Variants in CLDN10 observed in about 807,000 individuals in gnomAD.
The protein encoded by CLDN10 is claudin 10.
A neutral mutation model predicts 22.9 loss-of-function variants in CLDN10; 15 were observed. That is an observed-to-expected ratio of 0.65 (90% confidence interval 0.44 to 1.01). CLDN10 has a LOEUF of 1.01. CLDN10 is among the 50% of genes least tolerant of loss of function. The pLI, the probability that CLDN10 is intolerant of heterozygous loss-of-function variation, is 0.00. For synonymous variants in CLDN10, 114 were observed against 111.4 expected (o/e 1.02, Z -0.15); for missense variants, 247 against 287.8 (o/e 0.86, Z 1.03).
At chr13:95,441,373 T>A (rs1419254407) in intron 1 of CLDN10, among the ~76,000 whole-genome samples, 1 of 152,064 alleles carries the variant, frequency 6.6e-6, no homozygotes, top group African/African-American at 2.4e-5. Flanking sequence ...TCGTCCTGAG[T>A]AGCTGGGACT....
At chr13:95,460,960 A>C (rs1427151632) in intron 1 of CLDN10, among the ~76,000 whole-genome samples, 1 of 152,046 alleles carries the variant, frequency 6.6e-6, no homozygotes, top group African/African-American at 2.4e-5. Context: ...AATACAAAAA[A>C]GTTAGCTGGA....
chr13:95,551,997 A>G (rs1049703982), upstream of CLDN10, among the ~76,000 whole-genome samples: 1 of 152,252 alleles, frequency 6.6e-6, no homozygotes, highest in African/African-American at 2.4e-5. Context: ...AATGTGTTGA[A>G]CAAATGCCCT....
chr13:95,521,915 T>C (rs556967218), intron 1 of CLDN10, among the ~76,000 whole-genome samples: 1 of 152,182 alleles, frequency 6.6e-6, no homozygotes, highest in Non-Finnish European at 1.5e-5. Context: ...TGAAGAGATT[T>C]GTTCATTTTT....
intron 1 of CLDN10, among the ~76,000 whole-genome samples, chr13:95,555,311 G>C (rs966625728): frequency 2.0e-5 from 3 of 152,184 alleles, no homozygotes; most frequent in Admixed American, 1.3e-4. Flanking sequence ...GCCTCCCAAA[G>C]TGCCGGGATT....
At position 95,578,161 on chromosome 13, in the gene CLDN10, T is replaced by C. The variant is rs2043963827; in HGVS notation, c.*147T>C. The C allele has an allele frequency of 3.7e-6, 2 of 543,972 alleles. No homozygotes were observed. Among genetic ancestry groups the C allele is most frequent in the Non-Finnish European group, 6.6e-6 (2 of 304,242 alleles). The allele number at this position is 543,972 out of a possible 1,614,324, so 33.7% of individuals were successfully genotyped here. Reference sequence around the variant, plus strand: ...CATCTGTTGATTGTATGGATGTAAGTGTTCTTACATAGTTAGTTATATACT... The same window carrying C: ...CATCTGTTGATTGTATGGATGTAAGCGTTCTTACATAGTTAGTTATATACT... On this transcript the variant is annotated 3_prime_UTR_variant, in exon 5 of 5. Coordinates refer to ENST00000299339, the MANE Select transcript of CLDN10 (RefSeq NM_006984.5).
At chr13:95,556,247 T>C (rs975725059) in intron 1 of CLDN10, among the ~76,000 whole-genome samples, 1 of 152,080 alleles carries the variant, frequency 6.6e-6, no homozygotes, top group African/African-American at 2.4e-5. Context: ...GGTTTCACCA[T>C]GTTGGCCAGG....
chr13:95,467,049 T>TG (rs2042587689), intron 1 of CLDN10, among the ~76,000 whole-genome samples: 1 of 151,502 alleles, frequency 6.6e-6, no homozygotes, highest in Admixed American at 6.6e-5. Flanking sequence ...TTTTTTTTTT[T>TG]TGTATTTTTA....
chr13:95,568,813 G>C (rs1482162759), intron 3 of CLDN10, among the ~76,000 whole-genome samples: 1 of 152,150 alleles, frequency 6.6e-6, no homozygotes, highest in African/African-American at 2.4e-5. Flanking sequence ...AGAATGGTAA[G>C]ACGGAGTGTG....
intron 1 of CLDN10, among the ~76,000 whole-genome samples, chr13:95,435,341 A>C (rs527902062): frequency 2.6e-5 from 4 of 152,228 alleles, no homozygotes; most frequent in Non-Finnish European, 5.9e-5. Flanking sequence ...AAGAAAATGA[A>C]ATAAAATTTT....
chr13:95,485,400 T>G (rs1318886075), intron 1 of CLDN10, among the ~76,000 whole-genome samples: 1 of 152,160 alleles, frequency 6.6e-6, no homozygotes, highest in Non-Finnish European at 1.5e-5. Flanking sequence ...GCCTCCATGG[T>G]CAAGGCAGCA....
At chr13:95,566,284 TCTG>T (rs1237755989) in intron 3 of CLDN10, among the ~76,000 whole-genome samples, 1 of 152,156 alleles carries the variant, frequency 6.6e-6, no homozygotes, top group Non-Finnish European at 1.5e-5. Context: ...CTCCCCAGAA[TCTG>T]TTGTTTCCTG....
chr13:95,545,893 C>T (rs1402303614), intron 1 of CLDN10, among the ~76,000 whole-genome samples: 1 of 152,092 alleles, frequency 6.6e-6, no homozygotes, highest in Non-Finnish European at 1.5e-5. Context: ...GCTGAGAGCA[C>T]GGGCCAGAGC....
chr13:95,561,764 C>CTTTT (rs201890987), intron 3 of CLDN10, among the ~76,000 whole-genome samples: 1 of 135,316 alleles, frequency 7.4e-6, no homozygotes, highest in Non-Finnish European at 1.6e-5. Flanking sequence ...TTCTTTCGTC[C>CTTTT]TTTTTTTTTT....
intron 1 of CLDN10, among the ~76,000 whole-genome samples, chr13:95,441,754 C>A (rs1830772448): frequency 6.6e-6 from 1 of 152,178 alleles, no homozygotes; most frequent in Non-Finnish European, 1.5e-5. Flanking sequence ...TTTGAGAAAT[C>A]TTTGCCTGGA....
At chr13:95,485,186 G>A (rs2042792945) in intron 1 of CLDN10, among the ~76,000 whole-genome samples, 1 of 152,126 alleles carries the variant, frequency 6.6e-6, no homozygotes, top group Non-Finnish European at 1.5e-5. Context: ...GTAACAAGAG[G>A]GCGAGGTGCC....
At chr13:95,459,946 A>G (rs2042519334) in intron 1 of CLDN10, among the ~76,000 whole-genome samples, 1 of 152,170 alleles carries the variant, frequency 6.6e-6, no homozygotes, top group Non-Finnish European at 1.5e-5. Flanking sequence ...AGAGCACCCA[A>G]GTTACCTCTT....
chr13:95,449,210 C>T (rs1233297839), intron 1 of CLDN10, among the ~76,000 whole-genome samples: 1 of 152,190 alleles, frequency 6.6e-6, no homozygotes, highest in African/African-American at 2.4e-5. Context: ...ACTAGCTTTA[C>T]TACCGACCTA....
intron 3 of CLDN10, among the ~76,000 whole-genome samples, chr13:95,570,232 G>C (rs2043837190): frequency 6.6e-6 from 1 of 152,138 alleles, no homozygotes; most frequent in Admixed American, 6.5e-5. Flanking sequence ...TTCAAAGTCT[G>C]CATGTAAACC....
chr13:95,569,520 G>A (rs1288390350), intron 3 of CLDN10, among the ~76,000 whole-genome samples: 1 of 152,076 alleles, frequency 6.6e-6, no homozygotes, highest in Non-Finnish European at 1.5e-5. Flanking sequence ...GGGGGTGGAG[G>A]TTGCAGTGAG....
Sources: allele counts gnomAD v4.1 joint callset (sites outside exome capture counted in the v4.1 genomes callset), GRCh38; gene constraint gnomAD v4.1.1; transcripts MANE v1.5; gene names NCBI Gene and HGNC (gene_info 2026-07-23, HGNC 2026-07-21).